XKR9: variants seen among roughly 807,000 people sequenced by gnomAD.
XKR9 encodes XK-related protein 9.
Under a neutral mutation model 32.0 loss-of-function variants are expected in XKR9, and 32 were observed. The observed-to-expected ratio is 1.00, with a 90% confidence interval of 0.76 to 1.34. The LOEUF (loss-of-function observed/expected upper bound fraction) is 1.34. XKR9 is among the 40% of genes most tolerant of loss of function. XKR9 has a pLI of 0.00. For synonymous variants in XKR9, 168 were observed against 143.4 expected (o/e 1.17, Z -1.22); for missense variants, 546 against 429.7 (o/e 1.27, Z -2.39).
At chr8:71,037,056 G>T in the XKR9 span, among the ~76,000 whole-genome samples, 4 of 151,954 alleles carry the variant, frequency 2.6e-5, no homozygotes, top group African/African-American at 9.7e-5. Context: ...TGATAATCAA[G>T]GGAGCACCAT....
the XKR9 span, among the ~76,000 whole-genome samples, chr8:70,888,793 A>C: frequency 2.0e-5 from 3 of 151,844 alleles, no homozygotes; most frequent in Admixed American, 2.0e-4. Flanking sequence ...TGGGCTGTCT[A>C]TTCTGTTTGA....
At chr8:70,807,442 C>A in the XKR9 span, among the ~76,000 whole-genome samples, 370 of 152,148 alleles carry the variant, frequency 2.4e-3, no homozygotes, top group African/African-American at 8.7e-3. Context: ...ATGGGCTAAA[C>A]GGCCCAATTA....
intron 2 of XKR9, among the ~76,000 whole-genome samples, chr8:70,741,139 G>C (rs968430707): frequency 6.6e-6 from 1 of 152,230 alleles, no homozygotes; most frequent in African/African-American, 2.4e-5. Flanking sequence ...GAGCATCTGG[G>C]CTGCTTTGTT....
downstream of XKR9, among the ~76,000 whole-genome samples, chr8:70,737,391 A>G (rs1309994771): frequency 6.7e-6 from 1 of 148,362 alleles, no homozygotes; most frequent in Non-Finnish European, 1.5e-5. Flanking sequence ...GGTTTTCTAG[A>G]TATACAATCA....
chr8:70,684,260 TC>T (rs1235944873), intron 3 of XKR9, among the ~76,000 whole-genome samples: 1 of 152,208 alleles, frequency 6.6e-6, no homozygotes, highest in East Asian at 1.9e-4. Context: ...ATTTAGTGTT[TC>T]TTTCCCTTCT....
At chr8:70,752,717 A>T (rs927369357) in intron 2 of XKR9, among the ~76,000 whole-genome samples, 9 of 152,206 alleles carry the variant, frequency 5.9e-5, no homozygotes, top group Non-Finnish European at 7.4e-5. Flanking sequence ...GTTTCATCCA[A>T]CGAGAACAAA....
the XKR9 span, among the ~76,000 whole-genome samples, chr8:70,944,136 C>A: frequency 1.3e-4 from 18 of 133,780 alleles, no homozygotes; most frequent in African/African-American, 4.5e-4. Flanking sequence ...AAGTTATTCC[C>A]CCCGCCAAAA....
the XKR9 span, among the ~76,000 whole-genome samples, chr8:70,811,727 C>G: frequency 1.3e-5 from 2 of 152,126 alleles, no homozygotes; most frequent in African/African-American, 2.4e-5. Context: ...TACACACTCC[C>G]AAGACTAAAC....
chr8:71,049,067 A>G, the XKR9 span, among the ~76,000 whole-genome samples: 1 of 152,184 alleles, frequency 6.6e-6, no homozygotes, highest in Non-Finnish European at 1.5e-5. Flanking sequence ...CATACAAGAA[A>G]TATTGAGTTA....
the XKR9 span, among the ~76,000 whole-genome samples, chr8:71,039,916 A>G: frequency 6.6e-6 from 1 of 152,170 alleles, no homozygotes; most frequent in Non-Finnish European, 1.5e-5. Flanking sequence ...GACCACCAGG[A>G]GTGCTCTCAG....
chr8:71,037,078 A>G, the XKR9 span, among the ~76,000 whole-genome samples: 68 of 152,226 alleles, frequency 4.5e-4, no homozygotes, highest in Admixed American at 1.0e-3. Context: ...TTTGAAAACC[A>G]TCTTGTCAGG....
intron 3 of XKR9, among the ~76,000 whole-genome samples, chr8:70,697,793 G>A (rs1383924570): frequency 9.9e-5 from 15 of 151,696 alleles, no homozygotes; most frequent in African/African-American, 3.6e-4. Context: ...GGTAGAATTC[G>A]GCTGTGAATC....
the XKR9 span, among the ~76,000 whole-genome samples, chr8:71,011,309 A>T: frequency 3.3e-4 from 50 of 152,340 alleles, no homozygotes; most frequent in South Asian, 2.1e-3. Context: ...AACACATAGT[A>T]ACTGACGCTA....
intron 2 of XKR9, among the ~76,000 whole-genome samples, chr8:70,771,441 C>T (rs1213413145): frequency 6.6e-6 from 1 of 152,100 alleles, no homozygotes; most frequent in Non-Finnish European, 1.5e-5. Flanking sequence ...TTTTGTGGTC[C>T]AAGTGATTAC....
chr8:70,857,660 A>C, the XKR9 span, among the ~76,000 whole-genome samples: 3 of 152,112 alleles, frequency 2.0e-5, no homozygotes, highest in South Asian at 2.1e-4. Context: ...GAGACACAAC[A>C]AAAAAAGAGA....
chr8:71,062,535 C>G, the XKR9 span, among the ~76,000 whole-genome samples: 4 of 152,148 alleles, frequency 2.6e-5, no homozygotes, highest in African/African-American at 7.2e-5. Flanking sequence ...CTGGCGGGAG[C>G]AGGGAGACAC....
At chr8:70,901,562 C>T in the XKR9 span, among the ~76,000 whole-genome samples, 2 of 151,982 alleles carry the variant, frequency 1.3e-5, no homozygotes, top group Non-Finnish European at 2.9e-5. Flanking sequence ...GGATATTAGC[C>T]CTTTGTCAGA....
the XKR9 span, among the ~76,000 whole-genome samples, chr8:70,876,489 G>T: frequency 6.6e-6 from 1 of 152,016 alleles, no homozygotes; most frequent in African/African-American, 2.4e-5. Flanking sequence ...CTCTTGCATA[G>T]AATTGACTTT....
At chr8:70,729,690 C>G (rs1806597564) in intron 4 of XKR9, among the ~76,000 whole-genome samples, 2 of 152,080 alleles carry the variant, frequency 1.3e-5, no homozygotes, top group African/African-American at 4.8e-5. Flanking sequence ...CTCTGTGGTA[C>G]ACAATAATTT....
Sources: gnomAD v4.1 joint callset for allele counts (sites outside exome capture counted in the v4.1 genomes callset) on GRCh38, gnomAD v4.1.1 for gene constraint, MANE v1.5 for transcripts, NCBI Gene and HGNC (gene_info 2026-07-23, HGNC 2026-07-21) for gene names.